FAM107B: variants seen among roughly 807,000 people sequenced by gnomAD.
The protein encoded by FAM107B is family with sequence similarity 107 member B.
A neutral mutation model predicts 31.5 loss-of-function variants in FAM107B; 21 were observed. The observed-to-expected ratio is 0.67, with a 90% confidence interval of 0.47 to 0.96. FAM107B has a LOEUF of 0.96. Among genes scored for constraint, FAM107B ranks in the 40% least tolerant of loss-of-function variants. The probability of loss-of-function intolerance (pLI) is 0.00; values close to 1 mark genes in which losing one functional copy is unlikely to be tolerated. For missense variants in FAM107B, 452 were observed against 377.1 expected (o/e 1.20, Z -1.64); for synonymous variants, 157 against 141.5 (o/e 1.11, Z -0.78).
chr10:14,574,033 G>A (rs1317871682), intron 2 of FAM107B, among the ~76,000 whole-genome samples: 1 of 152,090 alleles, frequency 6.6e-6, no homozygotes, highest in East Asian at 1.9e-4. Flanking sequence ...CACAAGACCA[G>A]GGTAGACACT....
At chr10:14,756,569 T>C (rs1028574376) in intron 1 of FAM107B, among the ~76,000 whole-genome samples, 2 of 152,216 alleles carry the variant, frequency 1.3e-5, no homozygotes, top group African/African-American at 4.8e-5. Flanking sequence ...ATGGTGGGTG[T>C]GTAAATTAGT....
At chr10:14,635,994 T>A (rs902759105) in intron 2 of FAM107B, among the ~76,000 whole-genome samples, 1 of 152,154 alleles carries the variant, frequency 6.6e-6, no homozygotes, top group South Asian at 2.1e-4. Context: ...AGGTGCACAA[T>A]GAATTCAGTA....
At chr10:14,670,300 C>T (rs1588695907) in intron 1 of FAM107B, among the ~76,000 whole-genome samples, 1 of 152,120 alleles carries the variant, frequency 6.6e-6, no homozygotes, top group East Asian at 1.9e-4. Context: ...TAAATAAGGC[C>T]TCAGTTCAAT....
intron 1 of FAM107B, among the ~76,000 whole-genome samples, chr10:14,746,275 G>A (rs1832725745): frequency 6.6e-6 from 1 of 152,054 alleles, no homozygotes; most frequent in Non-Finnish European, 1.5e-5. Context: ...TCTTTTAATT[G>A]GGGCATTTAG....
At chr10:14,687,639 G>T (rs951403667) in intron 1 of FAM107B, among the ~76,000 whole-genome samples, 8 of 149,936 alleles carry the variant, frequency 5.3e-5, no homozygotes, top group African/African-American at 1.7e-4. Context: ...GTTGCGGGGG[G>T]TGGGGGAGGG....
chr10:14,562,763 A>G (rs558342669), intron 2 of FAM107B, among the ~76,000 whole-genome samples: 15 of 152,364 alleles, frequency 9.8e-5, no homozygotes, highest in Non-Finnish European at 1.9e-4. Context: ...ACTTCCAGCC[A>G]TAAAACTGTG....
At chr10:14,677,393 G>A (rs1440120198) in intron 1 of FAM107B, among the ~76,000 whole-genome samples, 1 of 152,128 alleles carries the variant, frequency 6.6e-6, no homozygotes, top group Non-Finnish European at 1.5e-5. Context: ...AGGCCGAGGT[G>A]GGCAGATCAC....
intron 2 of FAM107B, among the ~76,000 whole-genome samples, chr10:14,647,869 C>G (rs1044682181): frequency 7.2e-5 from 11 of 152,008 alleles, no homozygotes; most frequent in African/African-American, 2.7e-4. Context: ...GCGGTAAACA[C>G]CCTCTAATAT....
Position 14,562,621 on chromosome 10 carries a change from G to C in FAM107B, c.470-32106C>G, listed in dbSNP as rs150433889. 2.6e-3 allele frequency among the ~76,000 whole-genome samples: 392 copies of C among 152,308 alleles called. 1 individual carries two copies. The highest frequency in any genetic ancestry group is 9.2e-3 in the African/African-American group (381 of 41,572). On this transcript the variant is annotated intron_variant, in intron 2 of 4. Transcript: ENST00000181796. ...CCTGTCCACAAAAGACAAAATTCTG[G>C]AAGTAGCAATCCTTTACGACAATAC...
intron 1 of FAM107B, among the ~76,000 whole-genome samples, chr10:14,674,730 G>GTCTGT (rs1554847129): frequency 1.2e-4 from 18 of 152,114 alleles, no homozygotes; most frequent in Admixed American, 6.6e-5. Context: ...AAACAGAGTT[G>GTCTGT]TTTGTTTTGT....
At chr10:14,613,194 A>G (rs7907820) in intron 2 of FAM107B, among the ~76,000 whole-genome samples, 125,002 of 151,966 alleles carry the variant, frequency 0.82, 51,629 homozygotes, top group East Asian at 0.89. Flanking sequence ...CTGGTCTCGA[A>G]CTCCTGACCT....
At chr10:14,725,943 A>G (rs1466969903) in intron 1 of FAM107B, among the ~76,000 whole-genome samples, 1 of 147,810 alleles carries the variant, frequency 6.8e-6, no homozygotes, top group Non-Finnish European at 1.5e-5. Flanking sequence ...CTCCTGCCTC[A>G]GCTTCCCAAG....
intron 1 of FAM107B, among the ~76,000 whole-genome samples, chr10:14,710,409 T>A (rs1475381114): frequency 6.6e-6 from 1 of 150,386 alleles, no homozygotes; most frequent in Non-Finnish European, 1.5e-5. Flanking sequence ...TATATACATA[T>A]TTTTTTGCCT....
At chr10:14,685,530 A>G (rs967223951) in intron 1 of FAM107B, among the ~76,000 whole-genome samples, 4 of 152,124 alleles carry the variant, frequency 2.6e-5, no homozygotes, top group African/African-American at 9.7e-5. Flanking sequence ...ACACACAACC[A>G]TAAAGAAAGG....
Position 14,667,671 on chromosome 10 carries a change from T to C in FAM107B, c.432A>G (p.Glu144=), listed in dbSNP as rs765040482. The C allele has an allele frequency of 1.9e-6, 3 of 1,614,152 alleles. No homozygotes were observed. Among genetic ancestry groups the C allele is most frequent in the Non-Finnish European group, 2.5e-6 (3 of 1,180,004 alleles). The change falls in exon 2 of 5, where the codon GAA becomes GAG. Residue 144 remains glutamate (E), a synonymous_variant. Transcript: ENST00000181796. The stretch of plus-strand genomic sequence containing the variant: ...TCTGCTCCAGCTCGAGGCATTTAGG[T>C]TCTTCTCGAAATTCTTCTTCCTAAG... ...DTPKEEEFRE[E]PKCLELEQKM...
intron 2 of FAM107B, among the ~76,000 whole-genome samples, chr10:14,629,783 G>T (rs1442398273): frequency 1.3e-5 from 2 of 149,934 alleles, no homozygotes; most frequent in African/African-American, 2.5e-5. Flanking sequence ...AAAGTGCTGG[G>T]ATTACAGCGT....
intron 1 of FAM107B, among the ~76,000 whole-genome samples, chr10:14,742,211 G>A (rs1856456475): frequency 6.6e-6 from 1 of 151,988 alleles, no homozygotes; most frequent in Admixed American, 6.6e-5. Context: ...CAACCTCCTG[G>A]GCTCAAGCAG....
chr10:14,533,873 G>A (rs1334873735), intron 2 of FAM107B, among the ~76,000 whole-genome samples: 1 of 152,152 alleles, frequency 6.6e-6, no homozygotes. Flanking sequence ...GTGGGGTGAG[G>A]GGCACCCAAG....
At chr10:14,665,685 T>G (rs1854385734) in intron 2 of FAM107B, among the ~76,000 whole-genome samples, 1 of 152,200 alleles carries the variant, frequency 6.6e-6, no homozygotes, top group Admixed American at 6.5e-5. Context: ...GCTCCACCAC[T>G]GCCCCTACTA....
Sources: allele counts gnomAD v4.1 joint callset (sites outside exome capture counted in the v4.1 genomes callset), GRCh38; gene constraint gnomAD v4.1.1; transcripts MANE v1.5; gene names NCBI Gene and HGNC (gene_info 2026-07-23, HGNC 2026-07-21).